RAPGEF2: variants seen among roughly 807,000 people sequenced by gnomAD.
The protein encoded by RAPGEF2 is Rap guanine nucleotide exchange factor 2, also known as PDZ domain containing guanine nucleotide exchange factor (GEF) 1.
A neutral mutation model predicts 186.7 loss-of-function variants in RAPGEF2; 54 were observed. The observed-to-expected ratio is 0.29, with a 90% CI of 0.23 to 0.36. RAPGEF2 has a LOEUF of 0.36. Among genes scored for constraint, RAPGEF2 ranks in the 10% least tolerant of loss-of-function variants. The pLI, the probability that RAPGEF2 is intolerant of heterozygous loss-of-function variation, is 1.00. For synonymous variants in RAPGEF2, 712 were observed against 705.9 expected (o/e 1.01, Z -0.14); for missense variants, 1,532 against 2,045.0 (o/e 0.75, Z 4.84).
intron 9 of RAPGEF2, among the ~76,000 whole-genome samples, chr4:159,321,483 C>G (rs1198742012): frequency 6.6e-6 from 1 of 152,156 alleles, no homozygotes; most frequent in Non-Finnish European, 1.5e-5. Context: ...GTTAGGATTA[C>G]AGGCACGAGC....
intron 8 of RAPGEF2, among the ~76,000 whole-genome samples, chr4:159,310,206 G>A (rs1763799980): frequency 6.6e-6 from 1 of 152,072 alleles, no homozygotes; most frequent in South Asian, 2.1e-4. Context: ...ACTTAAATAT[G>A]AAATTATTCT....
chr4:159,257,125 A>G (rs149879617), intron 7 of RAPGEF2, among the ~76,000 whole-genome samples: 2 of 150,490 alleles, frequency 1.3e-5, no homozygotes, highest in African/African-American at 4.9e-5. Flanking sequence ...TTTTTGTGAA[A>G]CCTTTGCTCA....
At position 159,348,387 on chromosome 4, in the gene RAPGEF2, C is replaced by T. The variant is rs1388921225; in HGVS notation, c.3712+1389C>T. ...GCACAGTTACAGCCCATCTGTATGG[C>T]TTGGGTGAGAGTCATTTCGTAGACC... On this transcript the variant is annotated intron_variant, in intron 25 of 29. Coordinates refer to ENST00000691494, the MANE Select transcript of RAPGEF2 (RefSeq NM_001394067.2). Among the ~76,000 whole-genome samples the T allele has an allele frequency of 3.3e-5, 5 of 152,240 alleles. No homozygotes were observed. The South Asian group carries it at 6.2e-4, about 19-fold the overall frequency.
intron 19 of RAPGEF2, among the ~76,000 whole-genome samples, chr4:159,341,000 C>G (rs952028042): frequency 2.0e-5 from 3 of 152,050 alleles, no homozygotes; most frequent in Non-Finnish European, 4.4e-5. Context: ...TATGAAAATC[C>G]AGATTTTTTA....
At chr4:159,356,226 AT>A in intron 29 of RAPGEF2, 68 bp downstream of exon 29, 1 of 1,467,420 alleles carries the variant, frequency 6.8e-7, no homozygotes, top group East Asian at 2.4e-5. Flanking sequence ...TTCCCAAGGC[AT>A]TTCTGTTCTC....
At chr4:159,171,770 C>T (rs1280260745) in intron 1 of RAPGEF2, among the ~76,000 whole-genome samples, 2 of 151,838 alleles carry the variant, frequency 1.3e-5, no homozygotes, top group East Asian at 1.9e-4. Flanking sequence ...GAATAAGAGC[C>T]GGAAGTAAAA....
Position 159,350,980 on chromosome 4 carries a change from G to C in RAPGEF2, c.3865+691G>C, listed in dbSNP as rs1358047766. On this transcript the variant is annotated intron_variant, in intron 26 of 29. Coordinates refer to ENST00000691494, the MANE Select transcript of RAPGEF2 (RefSeq NM_001394067.2). ...TACTTGGTAGATATTTCAGACATCT[G>C]TGCATTTTGTATGGGTATCAGTCTC... 2.1e-6 allele frequency: 3 copies of C among 1,400,024 alleles called. No homozygotes were observed. The African/African-American group carries it at 4.3e-5, about 20-fold the overall frequency. The allele number at this position is 1,400,024 out of a possible 1,614,324, so 86.7% of individuals were successfully genotyped here.
At chr4:159,226,934 G>T (rs1172791220) in intron 4 of RAPGEF2, among the ~76,000 whole-genome samples, 1 of 152,158 alleles carries the variant, frequency 6.6e-6, no homozygotes, top group Non-Finnish European at 1.5e-5. Flanking sequence ...CTTTGTAAAA[G>T]ATTATATATG....
intron 4 of RAPGEF2, among the ~76,000 whole-genome samples, chr4:159,231,381 TTG>T (rs919746465): frequency 6.6e-6 from 1 of 152,078 alleles, no homozygotes; most frequent in Non-Finnish European, 1.5e-5. Context: ...ACATATTATT[TTG>T]TTATGTGTTA....
chr4:159,327,332 A>G (rs572830621), intron 11 of RAPGEF2: 1 of 152,302 alleles, frequency 6.6e-6, no homozygotes, highest in South Asian at 2.1e-4. Flanking sequence ...TTTGAAACCC[A>G]TGAGATTTAC....
intron 7 of RAPGEF2, among the ~76,000 whole-genome samples, chr4:159,273,581 A>G (rs1248908724): frequency 1.3e-5 from 2 of 152,214 alleles, no homozygotes; most frequent in Non-Finnish European, 2.9e-5. Flanking sequence ...TTAGGAATTC[A>G]GTTATTCTCC....
chr4:159,199,057 CAA>C (rs749062756), intron 3 of RAPGEF2, among the ~76,000 whole-genome samples: 7,754 of 80,214 alleles, frequency 0.097, 214 homozygotes, highest in Middle Eastern at 0.19. Flanking sequence ...GACCCTGTCT[CAA>C]AAAAAAAAAA....
At chr4:159,332,811 A>T in intron 17 of RAPGEF2, 114 bp downstream of exon 17, 8 of 1,289,832 alleles carry the variant, frequency 6.2e-6, no homozygotes, top group Non-Finnish European at 8.4e-6. Flanking sequence ...GGTTTTTATG[A>T]CTGAGCTATT....
chr4:159,174,756 C>CTT (rs1554004795), intron 1 of RAPGEF2, among the ~76,000 whole-genome samples: 1 of 112,546 alleles, frequency 8.9e-6, no homozygotes. Flanking sequence ...TCTTTTCTTT[C>CTT]TTTCTTTTTT....
intron 7 of RAPGEF2, among the ~76,000 whole-genome samples, chr4:159,250,113 T>C (rs1391571947): frequency 6.6e-6 from 1 of 152,240 alleles, no homozygotes; most frequent in Non-Finnish European, 1.5e-5. Context: ...AATTTTATTA[T>C]AGCAGTTTCT....
At chr4:159,160,622 G>A (rs1184818643) in intron 1 of RAPGEF2, among the ~76,000 whole-genome samples, 3 of 151,186 alleles carry the variant, frequency 2.0e-5, no homozygotes, top group African/African-American at 7.3e-5. Flanking sequence ...CCAGAGTTAG[G>A]TATGTATCTT....
At chr4:159,273,626 G>GTTTCTTTCTTTCTTCCTTTC (rs1758393179) in intron 7 of RAPGEF2, among the ~76,000 whole-genome samples, 1 of 100,738 alleles carries the variant, frequency 9.9e-6, no homozygotes. Flanking sequence ...TCAGTAATCA[G>GTTTCTTTCTTTCTTCCTTTC]TTTCTTTCTT....
intron 1 of RAPGEF2, among the ~76,000 whole-genome samples, chr4:159,157,059 G>A (rs1338852388): frequency 6.6e-6 from 1 of 152,178 alleles, no homozygotes; most frequent in Non-Finnish European, 1.5e-5. Flanking sequence ...CTCCCACTTA[G>A]CTGGTTCATT....
At chr4:159,125,333 C>T (rs1740168722) in intron 1 of RAPGEF2, among the ~76,000 whole-genome samples, 1 of 152,138 alleles carries the variant, frequency 6.6e-6, no homozygotes, top group African/African-American at 2.4e-5. Context: ...ACTGTTTACT[C>T]TTTATTGTTT....
Sources: allele counts gnomAD v4.1 joint callset (sites outside exome capture counted in the v4.1 genomes callset), GRCh38; gene constraint gnomAD v4.1.1; transcripts MANE v1.5; gene names NCBI Gene and HGNC (gene_info 2026-07-23, HGNC 2026-07-21).